PLCL1: variants seen among roughly 807,000 people sequenced by gnomAD.
The protein encoded by PLCL1 is inactive phospholipase C-like protein 1.
PLCL1 carries 41 observed loss-of-function variants against 84.4 expected under a neutral mutation model. The observed-to-expected ratio is 0.49, with a 90% CI of 0.38 to 0.63. The LOEUF is 0.63. Ranked by LOEUF, PLCL1 falls within the 30% of genes least tolerant of loss-of-function variation. PLCL1 has a pLI of 0.00. For synonymous variants in PLCL1, 490 were observed against 488.3 expected (o/e 1.00, Z -0.05); for missense variants, 1,206 against 1,367.8 (o/e 0.88, Z 1.87).
At chr2:198,103,204 A>G (rs575818544) in intron 4 of PLCL1, among the ~76,000 whole-genome samples, 145 of 152,186 alleles carry the variant, frequency 9.5e-4, no homozygotes, top group Non-Finnish European at 1.7e-3. Context: ...CATTTCATGC[A>G]TAAACCAGGA....
rs762712136 is a variant in PLCL1, at chr2:198,085,989, G to A, written c.2472G>A (p.Arg824=). The A allele has an allele frequency of 1.2e-6, 2 of 1,614,076 alleles. No homozygotes were observed. Among genetic ancestry groups the A allele is most frequent in the Admixed American group, 1.7e-5 (1 of 60,016 alleles). Residue 824 remains arginine (R), a synonymous_variant, in exon 2 of 6, where the codon CGG becomes CGA. Transcript: ENST00000428675. This position sits in a 1 kb window ranked among gnomAD's most constrained non-coding sequence, Gnocchi z 5.3. The stretch of plus-strand genomic sequence containing the variant: ...TTGAATGTTTGCAGCCTGGATATCG[G>A]CATGTTCCCCTGCGTTCTTTTGTGG... ...IPFECLQPGY[R]HVPLRSFVGD... is the part of the protein sequence containing the mutation.
rs773629113 is a variant in PLCL1 at position 198,101,309 on chromosome 2, A to G, written c.2944A>G (p.Ile982Val). ...GATGATTCAAGAGAGCCGGTTTCTC[A>G]TAGAAATGGCGGACACAGTCCAGGA... ...DLMIQESRFLIEMADTVQEKI... is the reference protein window; with the variant it reads ...DLMIQESRFLVEMADTVQEKI... Residue 982 changes from isoleucine to valine, a missense_variant, in exon 4 of 6, where the codon ATA becomes GTA. By Grantham distance (29) the Ile-to-Val change is conservative. Transcript: ENST00000428675. 6.2e-6 allele frequency: 10 copies of G among 1,600,932 alleles called. No individual in the cohort carries two copies. The Middle Eastern group carries it at 5.0e-4, about 79-fold the overall frequency.
At chr2:197,811,851 G>A (rs1690594553) in intron 1 of PLCL1, among the ~76,000 whole-genome samples, 1 of 152,134 alleles carries the variant, frequency 6.6e-6, no homozygotes, top group African/African-American at 2.4e-5. Context: ...GTGTACATGT[G>A]TAAGTTTGTT....
chr2:197,932,130 A>G (rs1470690980), intron 1 of PLCL1, among the ~76,000 whole-genome samples: 3 of 152,158 alleles, frequency 2.0e-5, no homozygotes, highest in East Asian at 3.9e-4. Flanking sequence ...ATTGCTACTC[A>G]TATTGATTGC....
intron 1 of PLCL1, among the ~76,000 whole-genome samples, chr2:197,918,653 G>A (rs532985835): frequency 2.0e-5 from 3 of 152,236 alleles, no homozygotes; most frequent in African/African-American, 7.2e-5. Flanking sequence ...CAGGCACGGT[G>A]GCTCATGCCT....
At chr2:198,082,656 C>G (rs989307411) in intron 1 of PLCL1, among the ~76,000 whole-genome samples, 2 of 151,992 alleles carry the variant, frequency 1.3e-5, no homozygotes, top group African/African-American at 2.4e-5. Context: ...TAAAGAAATA[C>G]CCAGTGTAAG....
At chr2:197,951,551 G>A (rs1222143476) in intron 1 of PLCL1, among the ~76,000 whole-genome samples, 1 of 152,170 alleles carries the variant, frequency 6.6e-6, no homozygotes, top group Non-Finnish European at 1.5e-5. Flanking sequence ...GAGGAAGCCG[G>A]TCTGCAGTGA....
chr2:197,881,413 G>A (rs1687825440), intron 1 of PLCL1, among the ~76,000 whole-genome samples: 1 of 152,072 alleles, frequency 6.6e-6, no homozygotes, highest in Non-Finnish European at 1.5e-5. Flanking sequence ...TTCAGGCCCA[G>A]GTGGTGTTTC....
chr2:197,949,442 G>A (rs1182050576), intron 1 of PLCL1, among the ~76,000 whole-genome samples: 7 of 152,080 alleles, frequency 4.6e-5, no homozygotes, highest in Admixed American at 3.9e-4. Context: ...CTTGTGTAAT[G>A]GGGTAAAAAG....
At chr2:198,022,857 C>G (rs1355926806) in intron 1 of PLCL1, among the ~76,000 whole-genome samples, 1 of 152,168 alleles carries the variant, frequency 6.6e-6, no homozygotes, top group Non-Finnish European at 1.5e-5. Flanking sequence ...CTATTTCTGT[C>G]AAGCTTCCAT....
At chr2:197,917,021 A>G (rs1196002879) in intron 1 of PLCL1, among the ~76,000 whole-genome samples, 1 of 152,248 alleles carries the variant, frequency 6.6e-6, no homozygotes, top group African/African-American at 2.4e-5. Flanking sequence ...TGCTGGCAAG[A>G]ATGCAGAGCA....
intron 1 of PLCL1, among the ~76,000 whole-genome samples, chr2:197,895,821 A>G (rs1688123274): frequency 6.6e-6 from 1 of 151,912 alleles, no homozygotes; most frequent in African/African-American, 2.4e-5. Flanking sequence ...GCCTTGAAGG[A>G]GAATGGAACA....
intron 1 of PLCL1, among the ~76,000 whole-genome samples, chr2:198,076,324 C>T (rs536449039): frequency 4.6e-5 from 7 of 152,236 alleles, no homozygotes; most frequent in Admixed American, 6.5e-5. Context: ...CCCACCACAG[C>T]GTATATATCA....
chr2:198,047,252 C>T (rs1163509358), intron 1 of PLCL1, among the ~76,000 whole-genome samples: 2 of 151,940 alleles, frequency 1.3e-5, no homozygotes, highest in Non-Finnish European at 2.9e-5. Flanking sequence ...GGCACGATCT[C>T]GGCTCACTGC....
At chr2:197,876,729 G>A (rs1687740089) in intron 1 of PLCL1, among the ~76,000 whole-genome samples, 1 of 152,066 alleles carries the variant, frequency 6.6e-6, no homozygotes, top group African/African-American at 2.4e-5. Context: ...AAAGTGCTGA[G>A]CTGTTAGATT....
At chr2:197,914,333 T>C (rs889817780) in intron 1 of PLCL1, among the ~76,000 whole-genome samples, 5 of 139,676 alleles carry the variant, frequency 3.6e-5, no homozygotes, top group Non-Finnish European at 7.8e-5. Context: ...TTTTATGTTA[T>C]TTTTTTTTTT....
At chr2:197,891,036 A>C (rs1418651428) in intron 1 of PLCL1, among the ~76,000 whole-genome samples, 4 of 151,754 alleles carry the variant, frequency 2.6e-5, no homozygotes, top group Admixed American at 2.6e-4. Context: ...AGGTTGCTTC[A>C]AAAGTTTTTT....
At position 198,009,838 on chromosome 2, in the gene PLCL1, A is replaced by G. The variant is rs528393383; in HGVS notation, c.241-73920A>G. On this transcript the variant is annotated intron_variant, in intron 1 of 5. Transcript: ENST00000428675. ...ATGGGATGTCTTTCCATTTACTTGT[A>G]TCTTCTTTGATTTCTTTTTGCAATG... Among the ~76,000 whole-genome samples, 32 of 151,996 alleles carry G rather than the reference A, an allele frequency of 2.1e-4. 1 individual carries two copies. Among genetic ancestry groups the G allele is most frequent in the African/African-American group, 7.7e-4 (32 of 41,514 alleles).
At chr2:197,864,349 C>CTTT (rs751518994) in intron 1 of PLCL1, among the ~76,000 whole-genome samples, 1 of 131,324 alleles carries the variant, frequency 7.6e-6, no homozygotes, top group South Asian at 2.4e-4. Flanking sequence ...TCAACTCTTT[C>CTTT]TTTTTTTTTT....
Sources: gnomAD v4.1 joint callset for allele counts (sites outside exome capture counted in the v4.1 genomes callset) on GRCh38, gnomAD v4.1.1 for gene constraint, Gnocchi (gnomAD v3.1) non-coding constraint, MANE v1.5 for transcripts, NCBI Gene and HGNC (gene_info 2026-07-23, HGNC 2026-07-21) for gene names.